Variants in ROBO2 observed in about 807,000 individuals in gnomAD.
ROBO2 encodes the protein roundabout guidance receptor 2.
In ROBO2, 53 loss-of-function variants were observed where a neutral mutation model predicts 160.8. The ratio of observed to expected loss-of-function variants is 0.33; its 90% CI spans 0.26 to 0.41. ROBO2 has a LOEUF of 0.41. Among genes scored for constraint, ROBO2 ranks in the 10% least tolerant of loss-of-function variants. The probability of loss-of-function intolerance (pLI) is 1.00; values close to 1 mark genes in which losing one functional copy is unlikely to be tolerated. For missense variants in ROBO2, 1,577 were observed against 1,722.4 expected (o/e 0.92, Z 1.49); for synonymous variants, 664 against 611.7 (o/e 1.09, Z -1.26).
chr3:77,082,384 C>G (rs1271042103), intron 1 of ROBO2, among the ~76,000 whole-genome samples: 1 of 152,128 alleles, frequency 6.6e-6, no homozygotes, highest in South Asian at 2.1e-4. Flanking sequence ...GTAGTGCTCA[C>G]TGAGCCTGGC....
chr3:76,993,188 A>G (rs958892605), intron 2 of ROBO2, among the ~76,000 whole-genome samples: 1 of 151,632 alleles, frequency 6.6e-6, no homozygotes. Flanking sequence ...TTGATTTCAA[A>G]GCTTCTGACT....
At chr3:76,443,609 A>G (rs1216586836) in intron 2 of ROBO2, among the ~76,000 whole-genome samples, 3 of 152,152 alleles carry the variant, frequency 2.0e-5, no homozygotes, top group Non-Finnish European at 4.4e-5. Context: ...TGCAGGGTCT[A>G]CCATGTACAA....
At chr3:76,156,099 C>T (rs76841170) in intron 2 of ROBO2, among the ~76,000 whole-genome samples, 116 of 151,604 alleles carry the variant, frequency 7.7e-4, no homozygotes, top group African/African-American at 2.7e-3. Context: ...TTTTGCCTGC[C>T]TTGTGATTTC....
intron 2 of ROBO2, among the ~76,000 whole-genome samples, chr3:76,246,013 CT>C (rs1705594823): frequency 6.6e-6 from 1 of 151,902 alleles, no homozygotes; most frequent in South Asian, 2.1e-4. Flanking sequence ...CATATATATG[CT>C]TTTTGTTTTC....
At chr3:77,398,564 G>A (rs1374031770) in intron 2 of ROBO2, among the ~76,000 whole-genome samples, 1 of 151,760 alleles carries the variant, frequency 6.6e-6, no homozygotes, top group Non-Finnish European at 1.5e-5. Context: ...ATTTTTACTA[G>A]GCCTCTTTTT....
intron 2 of ROBO2, among the ~76,000 whole-genome samples, chr3:75,967,385 TG>T (rs1949153102): frequency 6.6e-6 from 1 of 151,642 alleles, no homozygotes; most frequent in Non-Finnish European, 1.5e-5. Flanking sequence ...CTACTAAAAG[TG>T]TATAAGTCAA....
chr3:76,382,511 C>A (rs1258326094), intron 2 of ROBO2, among the ~76,000 whole-genome samples: 1 of 152,146 alleles, frequency 6.6e-6, no homozygotes, highest in Non-Finnish European at 1.5e-5. Context: ...GGCGTGAACC[C>A]GGGAGGCGGA....
intron 4 of ROBO2, among the ~76,000 whole-genome samples, chr3:77,488,898 A>G (rs2085717115): frequency 1.3e-5 from 2 of 152,226 alleles, no homozygotes; most frequent in African/African-American, 4.8e-5. Flanking sequence ...AGTGGAAAAT[A>G]GTTCTTACAA....
At chr3:76,187,044 T>A (rs919384156) in intron 2 of ROBO2, among the ~76,000 whole-genome samples, 2 of 131,684 alleles carry the variant, frequency 1.5e-5, no homozygotes, top group Non-Finnish European at 3.3e-5. Context: ...ATATTAGAAT[T>A]TTTTGAAACT....
intron 2 of ROBO2, among the ~76,000 whole-genome samples, chr3:76,532,631 G>A (rs1022709136): frequency 5.3e-5 from 8 of 152,088 alleles, no homozygotes; most frequent in African/African-American, 1.7e-4. Context: ...TTAGGCAACC[G>A]TTCTAGCAAC....
intron 2 of ROBO2, among the ~76,000 whole-genome samples, chr3:76,944,127 G>T (rs915430438): frequency 6.6e-6 from 1 of 151,526 alleles, no homozygotes; most frequent in Non-Finnish European, 1.5e-5. Context: ...CAATTAAAAG[G>T]TCTGTTTATG....
At chr3:76,015,626 AG>A (rs1017054471) in intron 2 of ROBO2, among the ~76,000 whole-genome samples, 3 of 152,236 alleles carry the variant, frequency 2.0e-5, no homozygotes, top group Non-Finnish European at 4.4e-5. Flanking sequence ...AGGGATTTTT[AG>A]TTTAAAATTT....
At chr3:77,495,877 T>C (rs2086720437) in intron 5 of ROBO2, among the ~76,000 whole-genome samples, 1 of 152,148 alleles carries the variant, frequency 6.6e-6, no homozygotes, top group African/African-American at 2.4e-5. Context: ...TGAATTAAGA[T>C]AAAATAAAAA....
At chr3:76,368,903 C>T (rs1359517230) in intron 2 of ROBO2, among the ~76,000 whole-genome samples, 2 of 151,958 alleles carry the variant, frequency 1.3e-5, no homozygotes, top group Non-Finnish European at 2.9e-5. Context: ...TAAGACCTTA[C>T]TTCACCAGTT....
intron 2 of ROBO2, among the ~76,000 whole-genome samples, chr3:76,001,910 A>G (rs2065899658): frequency 6.6e-6 from 1 of 152,182 alleles, no homozygotes; most frequent in African/African-American, 2.4e-5. Flanking sequence ...TAATAGATTG[A>G]CGGATATTTT....
chr3:77,186,044 G>A (rs1191461174), intron 2 of ROBO2, among the ~76,000 whole-genome samples: 5 of 151,940 alleles, frequency 3.3e-5, no homozygotes, highest in African/African-American at 1.2e-4. Flanking sequence ...GATGGAAAGG[G>A]GATGAAGGAT....
At chr3:76,239,762 T>C (rs1472127101) in intron 2 of ROBO2, among the ~76,000 whole-genome samples, 3 of 152,168 alleles carry the variant, frequency 2.0e-5, no homozygotes, top group African/African-American at 7.2e-5. Flanking sequence ...AACAAATGGT[T>C]TTTGTAAAGT....
intron 2 of ROBO2, among the ~76,000 whole-genome samples, chr3:76,145,792 A>G (rs538466208): frequency 6.6e-6 from 1 of 152,158 alleles, no homozygotes; most frequent in South Asian, 2.1e-4. Context: ...TAATTAGACA[A>G]ATCTGAATTG....
chr3:77,353,949 A>G (rs75425754), intron 2 of ROBO2, among the ~76,000 whole-genome samples: 4,281 of 152,332 alleles, frequency 0.028, 222 homozygotes, highest in African/African-American at 0.097. Flanking sequence ...TACATTAATT[A>G]CCGCTTCTTC....
Sources: gnomAD v4.1 joint callset for allele counts (sites outside exome capture counted in the v4.1 genomes callset) on GRCh38, gnomAD v4.1.1 for gene constraint, MANE v1.5 for transcripts, NCBI Gene and HGNC (gene_info 2026-07-23, HGNC 2026-07-21) for gene names.